Variants in USP47 observed in about 807,000 individuals in gnomAD.
The protein encoded by USP47 is ubiquitin specific peptidase 47.
USP47 carries 35 observed loss-of-function variants against 165.1 expected under a neutral mutation model. That is an observed-to-expected ratio of 0.21 (90% confidence interval 0.16 to 0.28). The LOEUF (loss-of-function observed/expected upper bound fraction) is 0.28, where lower values mean the gene tolerates loss of function less well. USP47 is among the 10% of genes least tolerant of loss of function. The pLI is 1.00. For synonymous variants in USP47, 531 were observed against 544.5 expected, an observed-to-expected ratio of 0.98 and a Z score of 0.35; for missense variants, 1,277 against 1,607.4, an observed-to-expected ratio of 0.79 and a Z score of 3.52.
At chr11:11,902,569 A>G (rs539446962) in intron 5 of USP47, 146 bp from the exon 6 acceptor site, 77 of 517,094 alleles carry the variant, frequency 1.5e-4, no homozygotes, top group African/African-American at 1.4e-3. Context: ...CTAATGTTTC[A>G]TTAGATATTA....
intron 1 of USP47, among the ~76,000 whole-genome samples, chr11:11,849,102 A>G (rs540923346): frequency 6.6e-6 from 1 of 151,790 alleles, no homozygotes; most frequent in South Asian, 2.1e-4. Flanking sequence ...GAGTTTCACT[A>G]TTATTGCACA....
At chr11:11,895,607 G>T (rs1304144668) in intron 4 of USP47, among the ~76,000 whole-genome samples, 1 of 152,154 alleles carries the variant, frequency 6.6e-6, no homozygotes, top group East Asian at 1.9e-4. Flanking sequence ...ACTCTTTCCT[G>T]TCTCTTTCCT....
intron 8 of USP47, 102 bp from the exon 9 acceptor site, chr11:11,920,054 C>A: frequency 2.5e-6 from 2 of 816,218 alleles, no homozygotes; most frequent in South Asian, 4.1e-5. Context: ...AATTTCTAAC[C>A]ATTCTACTTA....
At chr11:11,942,297 A>G in intron 19 of USP47, 38 bp from the exon 20 acceptor site, 1 of 1,524,460 alleles carries the variant, frequency 6.6e-7, no homozygotes, top group Non-Finnish European at 8.8e-7. Context: ...GCATGTCACT[A>G]AAATTAATAT....
intron 1 of USP47, among the ~76,000 whole-genome samples, chr11:11,850,497 A>G (rs1848667647): frequency 8.4e-6 from 1 of 119,528 alleles, no homozygotes; most frequent in Non-Finnish European, 1.8e-5. Flanking sequence ...TTTTGTCTGC[A>G]TATTCTTTTT....
At chr11:11,862,387 C>T (rs1045565559) in intron 1 of USP47, among the ~76,000 whole-genome samples, 1 of 151,476 alleles carries the variant, frequency 6.6e-6, no homozygotes, top group Non-Finnish European at 1.5e-5. Context: ...TAAGCACAAT[C>T]GTGCATAAGA....
chr11:11,902,850 T>C lies in USP47; in HGVS notation c.729T>C (p.Asp243=). Reference sequence around the variant, plus strand: ...ATGTTACAAGGAGCTTTGGATGGGATAGTAGTGAGGGTACTAATTCTCTTG... The same window carrying C: ...ATGTTACAAGGAGCTTTGGATGGGACAGTAGTGAGGGTACTAATTCTCTTG... ...TTDVTRSFGW[D]SSEAWQQHDV... The change falls in exon 6 of 28, where the codon GAT becomes GAC. Residue 243 remains aspartate, a synonymous_variant. Transcript: ENST00000527733. The C allele has an allele frequency of 6.3e-7, 1 of 1,586,004 alleles. No individual in the cohort carries two copies. The highest frequency in any genetic ancestry group is 1.2e-5 in the South Asian group (1 of 83,844).
intron 1 of USP47, among the ~76,000 whole-genome samples, chr11:11,859,440 TC>T (rs1210284293): frequency 6.6e-6 from 1 of 152,188 alleles, no homozygotes; most frequent in Non-Finnish European, 1.5e-5. Flanking sequence ...GTATTTTTCT[TC>T]TTTCATTTGT....
chr11:11,925,102 T>C (rs1342946228), intron 11 of USP47, among the ~76,000 whole-genome samples: 1 of 151,608 alleles, frequency 6.6e-6, no homozygotes. Flanking sequence ...TTTTTTTGTT[T>C]TAGTTTTTGG....
At chr11:11,888,768 A>G (rs1198375251) in intron 3 of USP47, among the ~76,000 whole-genome samples, 2 of 152,232 alleles carry the variant, frequency 1.3e-5, no homozygotes, top group Non-Finnish European at 2.9e-5. Flanking sequence ...ACTTAAGGCC[A>G]GTATCCCTGA....
At chr11:11,931,195 T>C (rs1186384958) in intron 14 of USP47, among the ~76,000 whole-genome samples, 1 of 152,152 alleles carries the variant, frequency 6.6e-6, no homozygotes, top group East Asian at 1.9e-4. Context: ...AAAAATATAA[T>C]CACAATCTTT....
In USP47 at chr11:11,960,546, G is replaced by T. The variant is rs1358441449; in HGVS notation, c.*4371G>T. Among the ~76,000 whole-genome samples the T allele has an allele frequency of 6.6e-6, 1 of 152,194 alleles. No individual in the cohort carries two copies. The highest frequency in any genetic ancestry group is 1.5e-5 in the Non-Finnish European group (1 of 68,034). ...TGATCTTCCATGAGTGTCTCAAAAA[G>T]TTCCCCTCAGAAGTTTCAGCCAAGG... On this transcript the variant is annotated 3_prime_UTR_variant, in exon 28 of 28. Coordinates refer to ENST00000527733, the MANE Select transcript of USP47 (RefSeq NM_001282659.2).
intron 16 of USP47, 39 bp downstream of exon 16, chr11:11,933,974 C>G: frequency 7.0e-7 from 1 of 1,434,608 alleles, no homozygotes; most frequent in Non-Finnish European, 9.7e-7. Context: ...CTTACTAATA[C>G]AACAGTATTA....
intron 8 of USP47, among the ~76,000 whole-genome samples, chr11:11,918,520 T>A (rs1361347870): frequency 6.6e-6 from 1 of 152,060 alleles, no homozygotes; most frequent in African/African-American, 2.4e-5. Flanking sequence ...ATATTGAAGT[T>A]AAGAGGCAAA....
At chr11:11,928,112 G>A (rs1854385895) in intron 11 of USP47, among the ~76,000 whole-genome samples, 1 of 151,918 alleles carries the variant, frequency 6.6e-6, no homozygotes, top group Admixed American at 6.6e-5. Flanking sequence ...CTGTTGGTTG[G>A]CAGACTTTTT....
intron 1 of USP47, among the ~76,000 whole-genome samples, chr11:11,845,326 C>T (rs1848366369): frequency 6.6e-6 from 1 of 152,066 alleles, no homozygotes; most frequent in Non-Finnish European, 1.5e-5. Flanking sequence ...GTTTGTGCTG[C>T]CCCCTCCTTC....
chr11:11,909,108 A>G (rs1024653405), intron 8 of USP47, among the ~76,000 whole-genome samples: 1 of 152,154 alleles, frequency 6.6e-6, no homozygotes, highest in Non-Finnish European at 1.5e-5. Context: ...GAAGCTCTAC[A>G]TTAGATTAAG....
chr11:11,881,558 T>C (rs1850830640), intron 2 of USP47, among the ~76,000 whole-genome samples: 1 of 152,154 alleles, frequency 6.6e-6, no homozygotes, highest in East Asian at 1.9e-4. Flanking sequence ...GTTTTATTTT[T>C]CCATAGATCT....
chr11:11,936,696 GT>G (rs1855098290), intron 17 of USP47, among the ~76,000 whole-genome samples, 186 bp downstream of exon 17: 1 of 151,858 alleles, frequency 6.6e-6, no homozygotes, highest in South Asian at 2.1e-4. Flanking sequence ...CTTGCAAAGA[GT>G]TGTGTACATA....
Sources: allele counts gnomAD v4.1 joint callset (sites outside exome capture counted in the v4.1 genomes callset), GRCh38; gene constraint gnomAD v4.1.1; transcripts MANE v1.5; gene names NCBI Gene and HGNC (gene_info 2026-07-23, HGNC 2026-07-21).